The following ADAMTS3 variants were observed in gnomAD, a reference collection of about 807,000 sequenced individuals.
ADAMTS3 encodes the protein A disintegrin and metalloproteinase with thrombospondin motifs 3.
In ADAMTS3, 73 loss-of-function variants were observed where a neutral mutation model predicts 129.0. The observed-to-expected ratio is 0.57, with a 90% confidence interval of 0.47 to 0.69. The LOEUF is 0.69. Among genes scored for constraint, ADAMTS3 ranks in the 30% least tolerant of loss-of-function variants. The pLI is 0.00. For synonymous variants in ADAMTS3, 477 were observed against 510.8 expected, an observed-to-expected ratio of 0.93 and a Z score of 0.89; for missense variants, 1,457 against 1,514.5, an observed-to-expected ratio of 0.96 and a Z score of 0.63.
chr4:72,352,246 T>C (rs761637926), intron 4 of ADAMTS3, among the ~76,000 whole-genome samples: 1 of 152,030 alleles, frequency 6.6e-6, no homozygotes, highest in Non-Finnish European at 1.5e-5. Flanking sequence ...ATTTTGTATG[T>C]CATCAAAATC....
At chr4:72,430,453 A>C (rs941177255) in intron 3 of ADAMTS3, among the ~76,000 whole-genome samples, 2 of 151,996 alleles carry the variant, frequency 1.3e-5, no homozygotes, top group East Asian at 3.9e-4. Flanking sequence ...CCCAGGCACC[A>C]GACATGTGAA....
chr4:72,565,883 G>C (rs1200770990), intron 2 of ADAMTS3, among the ~76,000 whole-genome samples: 1 of 152,088 alleles, frequency 6.6e-6, no homozygotes, highest in Non-Finnish European at 1.5e-5. Flanking sequence ...TCTAATCAAA[G>C]CTATATATTT....
chr4:72,490,527 T>C (rs1479786012), intron 3 of ADAMTS3, among the ~76,000 whole-genome samples: 1 of 151,950 alleles, frequency 6.6e-6, no homozygotes, highest in Non-Finnish European at 1.5e-5. Flanking sequence ...GAATTTTGCA[T>C]GCATTGTAAG....
At chr4:72,290,388 G>C (rs1373715541) in intron 20 of ADAMTS3, among the ~76,000 whole-genome samples, 1 of 152,156 alleles carries the variant, frequency 6.6e-6, no homozygotes, top group East Asian at 1.9e-4. Flanking sequence ...GAGAAGGAGA[G>C]ATTATCAGGT....
At chr4:72,428,920 T>C (rs1722633269) in intron 3 of ADAMTS3, among the ~76,000 whole-genome samples, 1 of 152,074 alleles carries the variant, frequency 6.6e-6, no homozygotes, top group Admixed American at 6.6e-5. Flanking sequence ...AAAAGATGAT[T>C]GTAAGACTCA....
chr4:72,568,958 T>G lies in ADAMTS3; in HGVS notation c.-196A>C. 1 of 609,080 alleles carries G rather than the reference T, an allele frequency of 1.6e-6. No individual in the cohort carries two copies. Among genetic ancestry groups the G allele is most frequent in the Non-Finnish European group, 2.9e-6 (1 of 339,774 alleles). 37.7% of individuals were successfully genotyped at this position (609,080 alleles called of 1,614,324 possible). A position where few individuals can be genotyped will look rare whatever the true frequency, so the allele number is the denominator to read the frequency against. On this transcript the variant is annotated 5_prime_UTR_variant, in exon 1 of 22. Transcript: ENST00000286657. Reference sequence around the variant, plus strand: ...GAGACTGGCCCCCTCTGCTCTGCAGTTTTTTCCACTTCACCTTCTCACCCC... The same window carrying G: ...GAGACTGGCCCCCTCTGCTCTGCAGGTTTTTCCACTTCACCTTCTCACCCC...
At chr4:72,446,984 G>A (rs895041878) in intron 3 of ADAMTS3, among the ~76,000 whole-genome samples, 7 of 151,572 alleles carry the variant, frequency 4.6e-5, no homozygotes, top group African/African-American at 1.7e-4. Flanking sequence ...ATCTTAATAG[G>A]TTAAACAGTC....
At position 72,315,945 on chromosome 4, in the gene ADAMTS3, C is replaced by A; in HGVS notation, c.1512G>T (p.Gln504His). The change falls in exon 11 of 22, where the codon CAG (glutamine) becomes CAT (histidine). Residue 504 changes from glutamine (Q) to histidine (H), a missense_variant. Physicochemically the swap from Gln to His is conservative, Grantham distance 24. Coordinates refer to ENST00000286657, the MANE Select transcript of ADAMTS3 (RefSeq NM_014243.3). Reference protein sequence around the residue: ...TAFRTFDPCKQLWCSHPDNPY... With the variant: ...TAFRTFDPCKHLWCSHPDNPY... ...GATTATCAGGATGGCTACACCACAG[C>A]TGTTTACATGGGTCAAAGGTTCGGA... The A allele has an allele frequency of 6.2e-7, 1 of 1,613,024 alleles. No individual in the cohort carries two copies. The highest frequency in any genetic ancestry group is 1.3e-5 in the African/African-American group (1 of 74,994).
intron 5 of ADAMTS3, among the ~76,000 whole-genome samples, chr4:72,327,349 T>C (rs997561196): frequency 4.1e-4 from 62 of 152,286 alleles, no homozygotes; most frequent in African/African-American, 1.3e-3. Flanking sequence ...TTTACAACTT[T>C]TAGTGAAAAG....
chr4:72,420,046 G>T (rs746406990), intron 3 of ADAMTS3, among the ~76,000 whole-genome samples: 16 of 152,086 alleles, frequency 1.1e-4, no homozygotes, highest in African/African-American at 1.7e-4. Flanking sequence ...AGTGGGGAAA[G>T]AATTAATTTA....
At chr4:72,531,437 C>T (rs1291377422) in intron 3 of ADAMTS3, among the ~76,000 whole-genome samples, 1 of 152,108 alleles carries the variant, frequency 6.6e-6, no homozygotes, top group African/African-American at 2.4e-5. Flanking sequence ...GAAGTCAGAG[C>T]CAAACCCAGA....
At chr4:72,456,336 C>A (rs1309984418) in intron 3 of ADAMTS3, among the ~76,000 whole-genome samples, 1 of 122,020 alleles carries the variant, frequency 8.2e-6, no homozygotes, top group Non-Finnish European at 1.6e-5. Context: ...AGTATATATA[C>A]TGTATATACT....
chr4:72,509,950 T>C (rs1223037851), intron 3 of ADAMTS3, among the ~76,000 whole-genome samples: 1 of 152,008 alleles, frequency 6.6e-6, no homozygotes, highest in African/African-American at 2.4e-5. Flanking sequence ...GATTCAAGGA[T>C]GGTTCAACAT....
chr4:72,332,870 A>AT (rs776914978), intron 5 of ADAMTS3, among the ~76,000 whole-genome samples: 9 of 152,222 alleles, frequency 5.9e-5, no homozygotes, highest in Non-Finnish European at 8.8e-5. Context: ...CAAACAAGAC[A>AT]CAGAAACAGA....
At chr4:72,463,117 A>C (rs559312695) in intron 3 of ADAMTS3, among the ~76,000 whole-genome samples, 1 of 152,060 alleles carries the variant, frequency 6.6e-6, no homozygotes, top group East Asian at 1.9e-4. Context: ...GATACACAAA[A>C]ACTTACCACT....
intron 4 of ADAMTS3, among the ~76,000 whole-genome samples, chr4:72,346,881 C>T (rs1720300174): frequency 6.6e-6 from 1 of 152,088 alleles, no homozygotes; most frequent in Non-Finnish European, 1.5e-5. Flanking sequence ...ACACTTCCAT[C>T]TTCAGCTCTA....
intron 4 of ADAMTS3, among the ~76,000 whole-genome samples, chr4:72,400,351 ACGTGTG>A (rs1364497676): frequency 1.4e-5 from 2 of 145,350 alleles, no homozygotes; most frequent in African/African-American, 2.6e-5. Context: ...GTGTATATAT[ACGTGTG>A]CATAGATATG....
intron 4 of ADAMTS3, among the ~76,000 whole-genome samples, chr4:72,379,705 A>G (rs1409437416): frequency 6.6e-6 from 1 of 152,160 alleles, no homozygotes; most frequent in Non-Finnish European, 1.5e-5. Flanking sequence ...TTTTCTGGCA[A>G]ATCTGTAGTA....
At chr4:72,370,243 G>A (rs1720969987) in intron 4 of ADAMTS3, among the ~76,000 whole-genome samples, 1 of 152,112 alleles carries the variant, frequency 6.6e-6, no homozygotes, top group Non-Finnish European at 1.5e-5. Flanking sequence ...ACGGACCAGT[G>A]GCCGACTCTG....
Sources: allele counts gnomAD v4.1 joint callset (sites outside exome capture counted in the v4.1 genomes callset), GRCh38; gene constraint gnomAD v4.1.1; transcripts MANE v1.5; gene names NCBI Gene and HGNC (gene_info 2026-07-23, HGNC 2026-07-21).